The following RAPGEF1 variants were observed in gnomAD, a reference collection of about 807,000 sequenced individuals.
The protein encoded by RAPGEF1 is Rap guanine nucleotide exchange factor 1, also known as CRK SH3-binding GNRP.
Under a neutral mutation model 143.3 loss-of-function variants are expected in RAPGEF1, and 33 were observed. The ratio of observed to expected loss-of-function variants is 0.23; its 90% CI spans 0.17 to 0.31. The LOEUF (loss-of-function observed/expected upper bound fraction) is 0.31, where lower values mean the gene tolerates loss of function less well. Among genes scored for constraint, RAPGEF1 ranks in the 10% least tolerant of loss-of-function variants. The pLI, the probability that RAPGEF1 is intolerant of heterozygous loss-of-function variation, is 1.00. For synonymous variants in RAPGEF1, 629 were observed against 676.5 expected (o/e 0.93, Z 1.09); for missense variants, 1,199 against 1,645.4 (o/e 0.73, Z 4.69).
rs965713777 is a variant in RAPGEF1 at position 131,583,475 on chromosome 9, G to A, written c.3415-773C>T. On this transcript the variant is annotated intron_variant, in intron 24 of 26. Transcript: ENST00000683357. This position sits in a 1 kb window ranked among gnomAD's most constrained non-coding sequence, Gnocchi z 4.7. ...CTCGGGTTCCTGACACGACCCCCAG[G>A]TGGCCTGGCTGACGCTCGGGTTCCT... Among the ~76,000 whole-genome samples the A allele has an allele frequency of 6.6e-6, 1 of 150,710 alleles. No individual in the cohort carries two copies. Among genetic ancestry groups the A allele is most frequent in the African/African-American group, 2.4e-5 (1 of 40,892 alleles).
chr9:131,731,604 C>T (rs913473959), intron 1 of RAPGEF1, among the ~76,000 whole-genome samples: 1 of 152,166 alleles, frequency 6.6e-6, no homozygotes, highest in African/African-American at 2.4e-5. Context: ...CAGTGTGTGG[C>T]TGGGAATCGC....
chr9:131,693,002 G>A (rs1423335939), intron 1 of RAPGEF1, among the ~76,000 whole-genome samples: 2 of 152,086 alleles, frequency 1.3e-5, no homozygotes, highest in African/African-American at 4.8e-5. Context: ...CCTGGCTAAG[G>A]GGCATACTCC....
At chr9:131,629,339 C>A in intron 6 of RAPGEF1, 85 bp from the exon 7 acceptor site, 1 of 1,354,066 alleles carries the variant, frequency 7.4e-7, no homozygotes, top group Non-Finnish European at 1.0e-6. Context: ...GAGGACGTGA[C>A]CAGGAAGAAC....
In RAPGEF1 at chr9:131,628,080, C is replaced by T; in HGVS notation, c.1034G>A (p.Cys345Tyr). The T allele has an allele frequency of 6.5e-7, 1 of 1,549,348 alleles. No individual in the cohort carries two copies. Among genetic ancestry groups the T allele is most frequent in the Non-Finnish European group, 8.7e-7 (1 of 1,146,918 alleles). ...TCCTGACAGTCGCCTCTGTGCGTAA[C>T]AGTCAACATCAAAATCCTCAAGTGG... ...GINRQDFDVD[C>Y]YAQRRLSGGS... The change falls in exon 9 of 27, where the codon TGT becomes TAT. Residue 345 changes from cysteine to tyrosine, a missense_variant. This residue lies in a region of RAPGEF1 where 613 missense variants were observed against 710.9 expected (regional missense o/e 0.86). Coordinates refer to ENST00000683357, the MANE Select transcript of RAPGEF1 (RefSeq NM_001377935.1). The surrounding 1 kb of genome is among the most constrained non-coding windows in gnomAD (Gnocchi z 5.7).
intron 4 of RAPGEF1, among the ~76,000 whole-genome samples, chr9:131,639,819 G>T (rs886186950): frequency 9.2e-5 from 14 of 152,078 alleles, no homozygotes; most frequent in African/African-American, 3.4e-4. Context: ...GATTAAAACA[G>T]GTTCTAAAAA....
intron 18 of RAPGEF1, among the ~76,000 whole-genome samples, chr9:131,590,419 A>G (rs1182526641): frequency 6.6e-6 from 1 of 151,968 alleles, no homozygotes; most frequent in African/African-American, 2.4e-5. Flanking sequence ...GTGAGTTTCC[A>G]TCCTGAGGCT....
chr9:131,713,555 A>T (rs1180755480), intron 1 of RAPGEF1, among the ~76,000 whole-genome samples: 1 of 152,172 alleles, frequency 6.6e-6, no homozygotes, highest in African/African-American at 2.4e-5. Flanking sequence ...TAGCTGAACA[A>T]CTTTGGGATA....
chr9:131,649,715 T>C (rs1970606028), intron 3 of RAPGEF1, among the ~76,000 whole-genome samples: 1 of 152,188 alleles, frequency 6.6e-6, no homozygotes, highest in South Asian at 2.1e-4. Flanking sequence ...GCGGTCTCAC[T>C]GCACTCCACC....
At chr9:131,722,398 C>T (rs924383989) in intron 1 of RAPGEF1, among the ~76,000 whole-genome samples, 3 of 152,232 alleles carry the variant, frequency 2.0e-5, no homozygotes, top group Non-Finnish European at 4.4e-5. Flanking sequence ...GGAGTAAGTG[C>T]CATCTGTGTT....
chr9:131,739,783 C>T lies in RAPGEF1; in HGVS notation c.48G>A (p.Lys16=). The stretch of plus-strand genomic sequence containing the variant: ...CCCGCGCCTCACCTGCTTTCTCGAT[C>T]TTGCCGGACATTTCCGGGCTGCGCC... ...GLRRSPEMSG[K]IEKADSQRSH... Residue 16 remains lysine, a synonymous_variant, in exon 1 of 27, where the codon AAG becomes AAA. Transcript: ENST00000683357. 1 of 1,175,248 alleles carries T rather than the reference C, an allele frequency of 8.5e-7. No individual in the cohort carries two copies. Among genetic ancestry groups the T allele is most frequent in the Non-Finnish European group, 1.1e-6 (1 of 932,960 alleles). 72.8% of individuals were successfully genotyped at this position (1,175,248 alleles called of 1,614,324 possible).
At chr9:131,668,847 C>G (rs1432081206) in intron 1 of RAPGEF1, among the ~76,000 whole-genome samples, 2 of 152,240 alleles carry the variant, frequency 1.3e-5, no homozygotes, top group Non-Finnish European at 2.9e-5. Context: ...TACATCTCAT[C>G]ATCTGGAGGC....
chr9:131,739,719 GC>G, intron 1 of RAPGEF1, 50 bp downstream of exon 1: 1 of 1,049,530 alleles, frequency 9.5e-7, no homozygotes, highest in South Asian at 3.5e-5. Context: ...GAGCGGCGGA[GC>G]CCCAGGGCCG....
Position 131,587,221 on chromosome 9 carries a change from A to AACAC in RAPGEF1, c.3233+511_3233+514dup, listed in dbSNP as rs367860435. Among the ~76,000 whole-genome samples, 41 of 60,636 alleles carry AACAC rather than the reference A, an allele frequency of 6.8e-4. 2 individuals carry two copies. Among genetic ancestry groups the AACAC allele is most frequent in the African/African-American group, 2.6e-3 (35 of 13,474 alleles). 39.8% of individuals were successfully genotyped at this position (60,636 alleles called of 152,430 possible). Reference sequence around the variant, plus strand: ...ACCTGCAGAGCGAGACTCCGTCTCAAACACACACACACACACACACACCTG... The same window carrying AACAC: ...ACCTGCAGAGCGAGACTCCGTCTCAAACACACACACACACACACACACACACCTG... On this transcript the variant is annotated intron_variant, in intron 22 of 26. Transcript: ENST00000683357.
intron 1 of RAPGEF1, among the ~76,000 whole-genome samples, chr9:131,689,166 T>C (rs987966909): frequency 6.6e-6 from 1 of 152,204 alleles, no homozygotes; most frequent in Non-Finnish European, 1.5e-5. Context: ...ATATTTAACT[T>C]CTGTTTCTTT....
chr9:131,725,756 TTG>T (rs1428435282), intron 1 of RAPGEF1, among the ~76,000 whole-genome samples: 53 of 147,658 alleles, frequency 3.6e-4, no homozygotes, highest in African/African-American at 1.3e-3. Context: ...AAAAATTGGG[TTG>T]TGTTTTTTTT....
intron 1 of RAPGEF1, among the ~76,000 whole-genome samples, chr9:131,671,697 C>T (rs116533930): frequency 3.5e-4 from 53 of 152,230 alleles, no homozygotes; most frequent in African/African-American, 1.2e-3. Context: ...GCCCTGGAAC[C>T]GAGACTGGCA....
At chr9:131,602,717 C>T (rs1004629401) in intron 14 of RAPGEF1, among the ~76,000 whole-genome samples, 9 of 152,248 alleles carry the variant, frequency 5.9e-5, no homozygotes, top group Admixed American at 2.6e-4. Flanking sequence ...AGTGCTCAAC[C>T]GGGTTCAGTC....
chr9:131,591,361 G>A (rs894612979), intron 18 of RAPGEF1, among the ~76,000 whole-genome samples: 7 of 152,348 alleles, frequency 4.6e-5, no homozygotes, highest in South Asian at 4.1e-4. Flanking sequence ...GATGGCAGCC[G>A]TGGGCTATGT....
rs148906652 is a variant in RAPGEF1, at chr9:131,660,965, C to A, written c.62-10016G>T. On this transcript the variant is annotated intron_variant, in intron 1 of 26. Coordinates refer to ENST00000683357, the MANE Select transcript of RAPGEF1 (RefSeq NM_001377935.1). The stretch of plus-strand genomic sequence containing the variant: ...ACATATAACAAGGTGCTCAATTTGT[C>A]ATCAGGAAGCAGTACATTAAAACCA... 2.8e-3 allele frequency among the ~76,000 whole-genome samples: 421 copies of A among 152,312 alleles called. 3 individuals carry two copies. The highest frequency in any genetic ancestry group is 9.7e-3 in the African/African-American group (403 of 41,564).
Sources: gnomAD v4.1 joint callset for allele counts (sites outside exome capture counted in the v4.1 genomes callset) on GRCh38, gnomAD v4.1.1 for gene constraint, gnomAD v4.1.1 regional missense constraint, Gnocchi (gnomAD v3.1) non-coding constraint, MANE v1.5 for transcripts, NCBI Gene and HGNC (gene_info 2026-07-23, HGNC 2026-07-21) for gene names.